The following BAIAP2 variants were observed in gnomAD, a reference collection of about 807,000 sequenced individuals.
BAIAP2 encodes the protein BAR/IMD domain-containing adapter protein 2.
A neutral mutation model predicts 63.0 loss-of-function variants in BAIAP2; 18 were observed. The observed-to-expected ratio is 0.29, with a 90% CI of 0.20 to 0.42. The LOEUF (loss-of-function observed/expected upper bound fraction) is 0.42. Ranked by LOEUF, BAIAP2 falls within the 10% of genes least tolerant of loss-of-function variation. The pLI is 1.00. For missense variants in BAIAP2, 610 were observed against 734.3 expected, an observed-to-expected ratio of 0.83 and a Z score of 1.96; for synonymous variants, 386 against 307.6, an observed-to-expected ratio of 1.25 and a Z score of -2.67.
intron 1 of BAIAP2, among the ~76,000 whole-genome samples, chr17:81,047,938 G>A (rs1186422762): frequency 6.6e-6 from 1 of 152,252 alleles, no homozygotes; most frequent in Non-Finnish European, 1.5e-5. Context: ...TAGGGGTGTG[G>A]CCATACGCGC....
chr17:81,067,829 G>A (rs1031643416), intron 3 of BAIAP2, among the ~76,000 whole-genome samples: 1 of 152,256 alleles, frequency 6.6e-6, no homozygotes, highest in African/African-American at 2.4e-5. Context: ...GAGATGCCGG[G>A]GCTGCCTGTC....
intron 6 of BAIAP2, chr17:81,097,504 A>G (rs2057825215): frequency 6.6e-6 from 1 of 152,200 alleles, no homozygotes; most frequent in African/African-American, 2.4e-5. Context: ...CTGCCCACCC[A>G]CGCTGAGTCA....
At position 81,085,640 on chromosome 17, in the gene BAIAP2, C is replaced by T; in HGVS notation, c.280-14C>T. On this transcript the variant is annotated splice_polypyrimidine_tract_variant and intron_variant, in intron 4 of 13. Coordinates refer to ENST00000428708, the MANE Select transcript of BAIAP2 (RefSeq NM_001144888.2). Reference sequence around the variant, plus strand: ...TTGGAGCTGACGGCTGATGTGTTTTCTCTCCATGTCCAGCTGAAGTCTTTT... The same window carrying T: ...TTGGAGCTGACGGCTGATGTGTTTTTTCTCCATGTCCAGCTGAAGTCTTTT... 1 of 1,612,264 alleles carries T rather than the reference C, an allele frequency of 6.2e-7. No homozygotes were observed. The highest frequency in any genetic ancestry group is 1.1e-5 in the South Asian group (1 of 91,050).
At chr17:81,078,353 T>G (rs1458512007) in intron 3 of BAIAP2, among the ~76,000 whole-genome samples, 1 of 145,634 alleles carries the variant, frequency 6.9e-6, no homozygotes, top group Non-Finnish European at 1.5e-5. Flanking sequence ...TGGGTGCAGG[T>G]TCCACCTCGG....
At chr17:81,051,115 A>C (rs8069327) in intron 1 of BAIAP2, among the ~76,000 whole-genome samples, 127,080 of 151,126 alleles carry the variant, frequency 0.84, 53,411 homozygotes, top group African/African-American at 0.86. Context: ...CCTGGGAGTT[A>C]AAGTGTCCAG....
At chr17:81,071,525 A>G (rs1041598688) in intron 3 of BAIAP2, among the ~76,000 whole-genome samples, 1 of 152,368 alleles carries the variant, frequency 6.6e-6, no homozygotes, top group Admixed American at 6.5e-5. Flanking sequence ...GACCTCTCGC[A>G]CAGAGCCCCT....
chr17:81,037,310 T>G (rs1177137061), intron 1 of BAIAP2, among the ~76,000 whole-genome samples: 1 of 152,260 alleles, frequency 6.6e-6, no homozygotes, highest in Non-Finnish European at 1.5e-5. Flanking sequence ...CGATCCACTC[T>G]GGAAAGGCTT....
rs774239971 is a variant in BAIAP2, at chr17:81,106,739, C to T, written c.1338-6C>T. 3.7e-6 allele frequency: 6 copies of T among 1,612,452 alleles called. No homozygotes were observed. In the African/African-American group the frequency reaches 4.0e-5, roughly 11 times the overall value. On this transcript the variant is annotated splice_polypyrimidine_tract_variant and splice_region_variant and intron_variant, in intron 11 of 13. Coordinates refer to ENST00000428708, the MANE Select transcript of BAIAP2 (RefSeq NM_001144888.2). ...CTGGGCCGCCTCTGAGTCCCTGTCC[C>T]TACAGCCTGCAGCAAGGGAAGAGCA... is the stretch of plus-strand genomic sequence containing the variant.
At chr17:81,097,249 T>C (rs1174707222) in intron 6 of BAIAP2, among the ~76,000 whole-genome samples, 1 of 152,028 alleles carries the variant, frequency 6.6e-6, no homozygotes, top group Non-Finnish European at 1.5e-5. Flanking sequence ...GAAAGCAGGG[T>C]GGGCTGCAAG....
chr17:81,099,070 TCTC>T (rs1474141471), intron 6 of BAIAP2, among the ~76,000 whole-genome samples: 1 of 147,232 alleles, frequency 6.8e-6, no homozygotes, highest in East Asian at 2.0e-4. Flanking sequence ...CAGGCCTACT[TCTC>T]ATTCCTGGTT....
At chr17:81,072,206 C>T (rs1273624126) in intron 3 of BAIAP2, among the ~76,000 whole-genome samples, 1 of 152,250 alleles carries the variant, frequency 6.6e-6, no homozygotes, top group African/African-American at 2.4e-5. Flanking sequence ...ACTCCCTTTT[C>T]CCAGATGGCT....
intron 3 of BAIAP2, among the ~76,000 whole-genome samples, chr17:81,074,432 GTA>G (rs915635290): frequency 9.4e-5 from 14 of 148,912 alleles, no homozygotes; most frequent in African/African-American, 3.4e-4. Context: ...GTACGTGTGT[GTA>G]TGCACAAATA....
intron 6 of BAIAP2, among the ~76,000 whole-genome samples, chr17:81,099,264 G>A (rs918441284): frequency 6.6e-6 from 1 of 150,926 alleles, no homozygotes; most frequent in African/African-American, 2.4e-5. Flanking sequence ...ACGCTTATCC[G>A]GAAACCAGGC....
At chr17:81,084,954 C>T (rs2055316651) in intron 4 of BAIAP2, 61 bp downstream of exon 4, 12 of 1,543,450 alleles carry the variant, frequency 7.8e-6, no homozygotes, top group Middle Eastern at 3.4e-4. Flanking sequence ...GAGCTGGCGC[C>T]ACACCTTGGC....
At chr17:81,103,883 C>T (rs767893587) in intron 8 of BAIAP2, 24 bp from the exon 9 acceptor site, 4 of 1,611,814 alleles carry the variant, frequency 2.5e-6, no homozygotes, top group African/African-American at 1.3e-5. Flanking sequence ...CCAGCAACAG[C>T]CTGCTCTGCC....
chr17:81,067,330 G>T (rs920111119), intron 3 of BAIAP2, among the ~76,000 whole-genome samples: 1 of 152,236 alleles, frequency 6.6e-6, no homozygotes, highest in African/African-American at 2.4e-5. Context: ...TCGCAGAGGC[G>T]CGTGCTCCTG....
Position 81,115,955 on chromosome 17 carries a change from T to TCTTGCCCCACTTGAGTCTGGC in BAIAP2, c.*119_*139dup. 6.5e-7 allele frequency: 1 copy of TCTTGCCCCACTTGAGTCTGGC among 1,527,246 alleles called. No homozygotes were observed. Among genetic ancestry groups the TCTTGCCCCACTTGAGTCTGGC allele is most frequent in the African/African-American group, 1.4e-5 (1 of 73,290 alleles). 94.6% of individuals were successfully genotyped at this position (1,527,246 alleles called of 1,614,324 possible). A position where few individuals can be genotyped will look rare whatever the true frequency, so the allele number is the denominator to read the frequency against. Reference sequence around the variant, plus strand: ...GAACATCCAGGCCCCGGCTGCCTGGTCTTGCCCCACTTGAGTCTGGCCTGG... The same window carrying TCTTGCCCCACTTGAGTCTGGC: ...GAACATCCAGGCCCCGGCTGCCTGGTCTTGCCCCACTTGAGTCTGGCCTTGCCCCACTTGAGTCTGGCCTGG... On this transcript the variant is annotated 3_prime_UTR_variant, in exon 14 of 14. Coordinates refer to ENST00000428708, the MANE Select transcript of BAIAP2 (RefSeq NM_001144888.2).
chr17:81,087,494 G>C (rs1389612910), intron 6 of BAIAP2: 2 of 152,220 alleles, frequency 1.3e-5, no homozygotes, highest in Non-Finnish European at 2.9e-5. Flanking sequence ...CAGAGCCTGT[G>C]CCCCCGCTCC....
chr17:81,103,786 C>CG lies in BAIAP2; in HGVS notation c.864+69dup, dbSNP rs571846743. 4,662 of 1,561,868 alleles carry CG rather than the reference C, an allele frequency of 3.0e-3. 10 individuals carry two copies. The highest frequency in any genetic ancestry group is 3.7e-3 in the Non-Finnish European group (4,268 of 1,150,664). ...GTGGGAGGGCAGCTTGTTGTCAGGG[C>CG]GGGGGGCCGCCAGGGTGCAGAGTCC... On this transcript the variant is annotated intron_variant, in intron 8 of 13. Transcript: ENST00000428708.
Sources: gnomAD v4.1 joint callset for allele counts (sites outside exome capture counted in the v4.1 genomes callset) on GRCh38, gnomAD v4.1.1 for gene constraint, MANE v1.5 for transcripts, NCBI Gene and HGNC (gene_info 2026-07-23, HGNC 2026-07-21) for gene names.